PM20D2: variants seen among roughly 807,000 people sequenced by gnomAD.
The protein encoded by PM20D2 is xaa-Arg dipeptidase.
A neutral mutation model predicts 42.9 loss-of-function variants in PM20D2; 33 were observed. The observed-to-expected ratio is 0.77, with a 90% CI of 0.58 to 1.03. The LOEUF (loss-of-function observed/expected upper bound fraction) is 1.03. Among genes scored for constraint, PM20D2 ranks in the 50% least tolerant of loss-of-function variants. PM20D2 has a pLI of 0.00. For missense variants in PM20D2, 548 were observed against 557.0 expected (o/e 0.98, Z 0.16); for synonymous variants, 250 against 228.2 (o/e 1.10, Z -0.86).
intron 4 of PM20D2, among the ~76,000 whole-genome samples, chr6:89,156,876 A>C (rs1771067279): frequency 6.6e-6 from 1 of 152,196 alleles, no homozygotes; most frequent in African/African-American, 2.4e-5. Context: ...GCCACTAGAG[A>C]AGATGGTTAT....
chr6:89,095,119 A>G, the PM20D2 span, among the ~76,000 whole-genome samples: 3 of 152,174 alleles, frequency 2.0e-5, no homozygotes, highest in South Asian at 6.2e-4. Context: ...GATACCCTGC[A>G]CCAGACAGTA....
At chr6:89,124,560 A>G in the PM20D2 span, among the ~76,000 whole-genome samples, 1 of 152,108 alleles carries the variant, frequency 6.6e-6, no homozygotes, top group East Asian at 1.9e-4. Context: ...TGTTTGTGCT[A>G]TTTATTGGAT....
chr6:89,130,825 T>C, the PM20D2 span, among the ~76,000 whole-genome samples: 2 of 123,582 alleles, frequency 1.6e-5, no homozygotes, highest in African/African-American at 6.9e-5. Context: ...TCTTCTTTTT[T>C]TTTTTTTTTT....
At chr6:89,147,738 A>AG (rs1770646262) in intron 1 of PM20D2, among the ~76,000 whole-genome samples, 1 of 150,760 alleles carries the variant, frequency 6.6e-6, no homozygotes, top group Non-Finnish European at 1.5e-5. Context: ...ATTAAAAAAA[A>AG]AAAAATTAGC....
chr6:89,132,966 T>TA, the PM20D2 span, among the ~76,000 whole-genome samples: 1 of 151,076 alleles, frequency 6.6e-6, no homozygotes, highest in Non-Finnish European at 1.5e-5. Flanking sequence ...CTCATACCTG[T>TA]AGTCTCAGCA....
At chr6:89,116,502 C>T in the PM20D2 span, among the ~76,000 whole-genome samples, 1 of 152,160 alleles carries the variant, frequency 6.6e-6, no homozygotes, top group Non-Finnish European at 1.5e-5. Flanking sequence ...TGGCCGGGCA[C>T]GGTGGCTCAT....
chr6:89,113,888 C>A, the PM20D2 span, among the ~76,000 whole-genome samples: 1 of 152,108 alleles, frequency 6.6e-6, no homozygotes, highest in Admixed American at 6.5e-5. Flanking sequence ...AGTGATCTAC[C>A]CACCTCAGCC....
chr6:89,129,555 T>C, the PM20D2 span, among the ~76,000 whole-genome samples: 1 of 151,124 alleles, frequency 6.6e-6, no homozygotes, highest in Non-Finnish European at 1.5e-5. Flanking sequence ...CAATAGAAAA[T>C]GGACCAAGAC....
chr6:89,121,581 A>G, the PM20D2 span, among the ~76,000 whole-genome samples: 285 of 152,314 alleles, frequency 1.9e-3, 3 homozygotes, highest in African/African-American at 6.2e-3. Flanking sequence ...CTAGAACTTA[A>G]GTGCCATTTA....
In PM20D2 at chr6:89,153,053, A is replaced by T. The variant is rs1474597100; in HGVS notation, c.625A>T (p.Lys209Ter). 1 of 1,598,040 alleles carries T rather than the reference A, an allele frequency of 6.3e-7. No homozygotes were observed. The highest frequency in any genetic ancestry group is 1.7e-5 in the Admixed American group (1 of 57,310). ...PDMAEHDVTV[K>*]YYGKASHSAS... ...TTTTTTATTTCCTAGTGTGACTGTG[A>T]AATACTATGGAAAAGCATCTCATTC... The change falls in exon 3 of 7, where the codon AAA becomes TAA. Residue 209 changes from lysine (K) to a stop codon, truncating the protein, a stop_gained. Coordinates refer to ENST00000275072, the MANE Select transcript of PM20D2 (RefSeq NM_001010853.3). LOFTEE classifies it high-confidence loss of function.
the PM20D2 span, among the ~76,000 whole-genome samples, chr6:89,129,503 GT>G: frequency 2.6e-5 from 4 of 151,110 alleles, no homozygotes; most frequent in Non-Finnish European, 4.4e-5. Flanking sequence ...TAAATAAATA[GT>G]TTTTAAATAA....
intron 5 of PM20D2, 44 bp downstream of exon 5, chr6:89,158,504 A>T: frequency 6.3e-7 from 1 of 1,579,344 alleles, no homozygotes. Flanking sequence ...TGAGGAAGAG[A>T]AATACCATCT....
At chr6:89,146,009 T>G (rs2127772092), upstream of PM20D2, 1 of 691,578 alleles carries the variant, frequency 1.4e-6, no homozygotes. Flanking sequence ...GGACTGGGGG[T>G]GGTGCCCTGG....
At chr6:89,147,342 C>T (rs1336095117) in intron 1 of PM20D2, among the ~76,000 whole-genome samples, 1 of 152,200 alleles carries the variant, frequency 6.6e-6, no homozygotes, top group Non-Finnish European at 1.5e-5. Flanking sequence ...ATTCAATCGT[C>T]ATTCAGTTAA....
At chr6:89,121,648 G>T in the PM20D2 span, among the ~76,000 whole-genome samples, 4 of 152,136 alleles carry the variant, frequency 2.6e-5, no homozygotes, top group African/African-American at 9.7e-5. Context: ...TACCCTCCAG[G>T]CTTAGGAGAG....
chr6:89,140,595 A>C, the PM20D2 span, among the ~76,000 whole-genome samples: 1 of 152,188 alleles, frequency 6.6e-6, no homozygotes, highest in Admixed American at 6.5e-5. Context: ...CATTTTCCTA[A>C]GCCATAACGG....
At chr6:89,134,793 C>T in the PM20D2 span, among the ~76,000 whole-genome samples, 1 of 150,632 alleles carries the variant, frequency 6.6e-6, no homozygotes, top group Non-Finnish European at 1.5e-5. Context: ...TGAGTGGGCT[C>T]TCAGAAAATT....
chr6:89,159,538 C>T (rs960699946), intron 5 of PM20D2, among the ~76,000 whole-genome samples: 9 of 152,126 alleles, frequency 5.9e-5, no homozygotes, highest in African/African-American at 2.2e-4. Flanking sequence ...GCATTGACTG[C>T]TGAGATAGTG....
At chr6:89,155,817 T>C (rs912683200) in intron 4 of PM20D2, among the ~76,000 whole-genome samples, 2 of 152,046 alleles carry the variant, frequency 1.3e-5, no homozygotes, top group Non-Finnish European at 2.9e-5. Flanking sequence ...GTTCAAGCGA[T>C]TCTTATGCCT....
Sources: gnomAD v4.1 joint callset for allele counts (sites outside exome capture counted in the v4.1 genomes callset) on GRCh38, gnomAD v4.1.1 for gene constraint, MANE v1.5 for transcripts, NCBI Gene and HGNC (gene_info 2026-07-23, HGNC 2026-07-21) for gene names.